Variants in GBF1 observed in about 807,000 individuals in gnomAD.
The protein encoded by GBF1 is golgi brefeldin A resistant guanine nucleotide exchange factor 1.
A neutral mutation model predicts 210.5 loss-of-function variants in GBF1; 114 were observed. The observed-to-expected ratio is 0.54, with a 90% CI of 0.47 to 0.63. The LOEUF (loss-of-function observed/expected upper bound fraction) is 0.63, where lower values mean the gene tolerates loss of function less well. GBF1 is among the 30% of genes least tolerant of loss of function. GBF1 has a pLI of 0.00. For synonymous variants in GBF1, 850 were observed against 889.2 expected (o/e 0.96, Z 0.78); for missense variants, 1,851 against 2,357.7 (o/e 0.79, Z 4.45).
intron 3 of GBF1, among the ~76,000 whole-genome samples, chr10:102,315,276 G>A (rs370275275): frequency 8.5e-5 from 13 of 152,134 alleles, no homozygotes; most frequent in East Asian, 7.7e-4. Context: ...GAACTGGGCC[G>A]CACAGCAGGA....
chr10:102,268,217 AT>A (rs1261201266), intron 3 of GBF1, among the ~76,000 whole-genome samples: 8 of 152,330 alleles, frequency 5.3e-5, no homozygotes, highest in African/African-American at 1.9e-4. Flanking sequence ...GCTCTGCATA[AT>A]CTGTCCTCTC....
the GBF1 span, chr10:102,231,551 C>T: frequency 4.3e-6 from 6 of 1,396,260 alleles, no homozygotes; most frequent in Non-Finnish European, 6.0e-6. Context: ...GCGCGGAGGG[C>T]CCGCGCGGGT....
At chr10:102,284,707 A>G (rs886520556) in intron 3 of GBF1, among the ~76,000 whole-genome samples, 1 of 152,144 alleles carries the variant, frequency 6.6e-6, no homozygotes, top group African/African-American at 2.4e-5. Context: ...GGCAATTATG[A>G]ATAGTGCTGC....
the GBF1 span, among the ~76,000 whole-genome samples, chr10:102,233,426 C>T: frequency 2.6e-5 from 4 of 151,140 alleles, no homozygotes; most frequent in African/African-American, 9.7e-5. Context: ...GCCTCAGCCT[C>T]CCATGTAGCT....
chr10:102,380,192 A>G, intron 36 of GBF1, 57 bp from the exon 37 acceptor site: 1 of 1,118,272 alleles, frequency 8.9e-7, no homozygotes, highest in Non-Finnish European at 1.4e-6. Context: ...CCAGCCTCAG[A>G]GAGGGGTCCA....
chr10:102,273,480 C>T (rs1294433956), intron 3 of GBF1, among the ~76,000 whole-genome samples: 1 of 152,202 alleles, frequency 6.6e-6, no homozygotes, highest in African/African-American at 2.4e-5. Flanking sequence ...TCCTATCCAT[C>T]ATGGTCAAAA....
At chr10:102,327,403 T>C (rs2056987571) in intron 3 of GBF1, among the ~76,000 whole-genome samples, 1 of 152,194 alleles carries the variant, frequency 6.6e-6, no homozygotes, top group Non-Finnish European at 1.5e-5. Context: ...CTTTCGCTCT[T>C]AGGTATTTAG....
At chr10:102,371,899 C>G (rs2060226371) in intron 29 of GBF1, among the ~76,000 whole-genome samples, 1 of 147,676 alleles carries the variant, frequency 6.8e-6, no homozygotes, top group African/African-American at 2.5e-5. Context: ...TGCACTCCAG[C>G]TGGGTGACAG....
the GBF1 span, among the ~76,000 whole-genome samples, chr10:102,235,166 T>TCACCCCCCCCCCCCC: frequency 1.7e-5 from 1 of 59,034 alleles, no homozygotes. Context: ...TTATTACCCT[T>TCACCCCCCCCCCCCC]CCCCCACCCC....
intron 3 of GBF1, among the ~76,000 whole-genome samples, chr10:102,303,173 A>T (rs984381889): frequency 2.2e-4 from 34 of 152,148 alleles, no homozygotes; most frequent in African/African-American, 7.7e-4. Flanking sequence ...TTTTAGGTAG[A>T]GATGGGGTTT....
At chr10:102,360,047 T>C in intron 11 of GBF1, 137 bp from the exon 12 acceptor site, 1 of 716,804 alleles carries the variant, frequency 1.4e-6, no homozygotes, top group East Asian at 2.5e-5. Flanking sequence ...ATTACAGGCA[T>C]GAGCCATCAC....
chr10:102,298,955 A>C (rs1026757448), intron 3 of GBF1, among the ~76,000 whole-genome samples: 3 of 152,196 alleles, frequency 2.0e-5, no homozygotes, highest in African/African-American at 7.2e-5. Flanking sequence ...TTAAATCAGG[A>C]TCATGGACTA....
At chr10:102,243,278 C>A (rs1350731388), upstream of GBF1, among the ~76,000 whole-genome samples, 2 of 152,174 alleles carry the variant, frequency 1.3e-5, no homozygotes, top group South Asian at 2.1e-4. Flanking sequence ...TCTATTACAC[C>A]ACCCACCATA....
At chr10:102,323,819 A>G (rs776248258) in intron 3 of GBF1, among the ~76,000 whole-genome samples, 9 of 152,122 alleles carry the variant, frequency 5.9e-5, no homozygotes, top group African/African-American at 2.4e-5. Flanking sequence ...TTCCATCTTC[A>G]CATTTGTTTT....
At chr10:102,280,719 T>A (rs1487294245) in intron 3 of GBF1, among the ~76,000 whole-genome samples, 3 of 152,122 alleles carry the variant, frequency 2.0e-5, no homozygotes, top group Non-Finnish European at 4.4e-5. Flanking sequence ...AGAGGAAGCA[T>A]GGATTAGTGT....
intron 8 of GBF1, 49 bp downstream of exon 8, chr10:102,353,703 C>G (rs2059134443): frequency 7.3e-7 from 1 of 1,361,652 alleles, no homozygotes; most frequent in Non-Finnish European, 1.1e-6. Context: ...CCTTAATCTC[C>G]CAACTTCAGT....
intron 3 of GBF1, among the ~76,000 whole-genome samples, chr10:102,315,917 T>A (rs1437768184): frequency 6.6e-6 from 1 of 152,066 alleles, no homozygotes; most frequent in Non-Finnish European, 1.5e-5. Context: ...AACAGAACTC[T>A]ATAGAAGTTC....
chr10:102,275,011 C>CTTT (rs55784094), intron 3 of GBF1, among the ~76,000 whole-genome samples: 28 of 124,790 alleles, frequency 2.2e-4, no homozygotes, highest in African/African-American at 8.7e-4. Context: ...CGCGCCAGGA[C>CTTT]TTTTTTTTTT....
At position 102,361,101 on chromosome 10, in the gene GBF1, A is replaced by C; in HGVS notation, c.1472A>C (p.His491Pro). ...CTACTGTTTGAGAGCATGCGAGAGC[A>C]CCTCAAGTTCCAAATGGAGGTGAGT... Reference protein sequence around the residue: ...CFLLFESMREHLKFQMEMYIK... With the variant: ...CFLLFESMREPLKFQMEMYIK... The change falls in exon 13 of 40, where the codon CAC becomes CCC. Residue 491 changes from histidine (H) to proline (P), a missense_variant. By Grantham distance (77) the His-to-Pro change is moderately conservative. Coordinates refer to ENST00000369983, the MANE Select transcript of GBF1 (RefSeq NM_001377137.1). 1.9e-6 allele frequency: 3 copies of C among 1,591,562 alleles called. No individual in the cohort carries two copies. The highest frequency in any genetic ancestry group is 2.6e-6 in the Non-Finnish European group (3 of 1,159,402).
Sources: gnomAD v4.1 joint callset for allele counts (sites outside exome capture counted in the v4.1 genomes callset) on GRCh38, gnomAD v4.1.1 for gene constraint, MANE v1.5 for transcripts, NCBI Gene and HGNC (gene_info 2026-07-23, HGNC 2026-07-21) for gene names.